The following XCR1 variants were observed in gnomAD, a reference collection of about 807,000 sequenced individuals.
The protein encoded by XCR1 is X-C motif chemokine receptor 1.
For synonymous variants in XCR1, 187 were observed against 188.5 expected, an observed-to-expected ratio of 0.99 and a Z score of 0.06; for missense variants, 356 against 424.2, an observed-to-expected ratio of 0.84 and a Z score of 1.41.
intron 5 of XCR1, among the ~76,000 whole-genome samples, chr3:46,046,292 G>T (rs1697625988): frequency 6.6e-6 from 1 of 152,208 alleles, no homozygotes; most frequent in South Asian, 2.1e-4. Flanking sequence ...GCTTTACACA[G>T]CCCTCCATAT....
chr3:46,043,852 T>G (rs150323237), intron 5 of XCR1, among the ~76,000 whole-genome samples: 22 of 152,164 alleles, frequency 1.4e-4, no homozygotes, highest in African/African-American at 4.8e-4. Flanking sequence ...GCATACAAAT[T>G]GAAAACAAAG....
Position 46,080,150 on chromosome 3 carries a change from A to G in XCR1, c.-514-3224T>C, listed in dbSNP as rs542282915. Among the ~76,000 whole-genome samples the G allele has an allele frequency of 8.6e-5, 13 of 150,448 alleles. No individual in the cohort carries two copies. The South Asian group carries it at 2.5e-3, about 29-fold the overall frequency. ...AGATCACCTATAATCGTGCCACTGT[A>G]CTCTGGCCTGGGCAACAGAACAAGT... On this transcript the variant is annotated intron_variant, in intron 1 of 5. Coordinates refer to the XCR1 transcript ENST00000683768.
intron 1 of XCR1, 177 bp from the exon 2 acceptor site, chr3:46,022,155 C>T: frequency 3.6e-6 from 2 of 562,182 alleles, no homozygotes; most frequent in Non-Finnish European, 6.0e-6. Flanking sequence ...TTAAAAATTA[C>T]CCGGGTGTGG....
intron 5 of XCR1, among the ~76,000 whole-genome samples, chr3:46,048,840 G>T (rs918511298): frequency 4.6e-5 from 7 of 152,216 alleles, no homozygotes; most frequent in Middle Eastern, 3.4e-3. Context: ...TGAGGTGGTA[G>T]TTGGCCTCCT....
intron 3 of XCR1, among the ~76,000 whole-genome samples, chr3:46,069,221 C>T (rs924632614): frequency 6.6e-6 from 1 of 151,150 alleles, no homozygotes; most frequent in Non-Finnish European, 1.5e-5. Context: ...GCAAAATAAA[C>T]CCAAAGTAAG....
At chr3:46,067,808 G>C (rs1698103338) in intron 3 of XCR1, among the ~76,000 whole-genome samples, 2 of 152,292 alleles carry the variant, frequency 1.3e-5, no homozygotes, top group South Asian at 4.1e-4. Context: ...GAAGAGGAAA[G>C]AGGACATGCT....
chr3:46,034,517 C>T (rs962893653), intron 5 of XCR1, among the ~76,000 whole-genome samples: 2 of 151,952 alleles, frequency 1.3e-5, no homozygotes, highest in Non-Finnish European at 2.9e-5. Context: ...TGACAGAGGA[C>T]ATCCTTGACG....
At chr3:46,023,984 C>T (rs1263045697) in intron 1 of XCR1, 36 of 1,444,416 alleles carry the variant, frequency 2.5e-5, no homozygotes, top group Admixed American at 3.5e-5. Context: ...CGGAGCTTGC[C>T]GCCACATTCA....
At chr3:46,043,424 G>C (rs1697569621) in intron 5 of XCR1, among the ~76,000 whole-genome samples, 1 of 151,936 alleles carries the variant, frequency 6.6e-6, no homozygotes, top group African/African-American at 2.4e-5. Context: ...CTGGGCAACA[G>C]AGCGAGACCC....
Position 46,020,771 on chromosome 3 carries a change from G to T in XCR1, c.*175C>A. 1 of 888,648 alleles carries T rather than the reference G, an allele frequency of 1.1e-6. No homozygotes were observed. The highest frequency in any genetic ancestry group is 1.6e-6 in the Non-Finnish European group (1 of 608,688). 55.0% of individuals were successfully genotyped at this position (888,648 alleles called of 1,614,324 possible). On this transcript the variant is annotated 3_prime_UTR_variant, in exon 2 of 2. Coordinates refer to ENST00000309285, the MANE Select transcript of XCR1 (RefSeq NM_001024644.2). ...CCAGGTAGGAAGCCACTTTCCCGCA[G>T]ATGAGAGGCTGGCGGGACCCACTGG...
intron 3 of XCR1, among the ~76,000 whole-genome samples, chr3:46,074,212 A>ATTTTTTTTTTTT (rs1384010299): frequency 1.8e-4 from 16 of 88,334 alleles, no homozygotes; most frequent in African/African-American, 3.0e-4. Context: ...ACTGAAGGCC[A>ATTTTTTTTTTTT]TCTTTTTTTT....
chr3:46,082,005 T>C lies in XCR1; in HGVS notation c.-515+3789A>G, dbSNP rs145800042. On this transcript the variant is annotated intron_variant, in intron 1 of 5. Transcript: ENST00000683768. ...GAATAAAAGATTCCTTCTCACCCAG[T>C]GGGAAGGGACCATATCAGGTACTAT... Among the ~76,000 whole-genome samples the C allele has an allele frequency of 1.2e-3, 185 of 152,276 alleles. 1 individual carries two copies. The highest frequency in any genetic ancestry group is 2.3e-3 in the Non-Finnish European group (157 of 68,020).
At chr3:46,048,520 C>A (rs1449150102) in intron 5 of XCR1, among the ~76,000 whole-genome samples, 3 of 152,100 alleles carry the variant, frequency 2.0e-5, no homozygotes, top group Non-Finnish European at 4.4e-5. Flanking sequence ...GCTCATGGCT[C>A]GTACCGGAGG....
chr3:46,067,646 C>T (rs1698100481), intron 3 of XCR1, among the ~76,000 whole-genome samples: 1 of 152,082 alleles, frequency 6.6e-6, no homozygotes, highest in South Asian at 2.1e-4. Context: ...AAATTCCTGC[C>T]CCAGGGAACA....
chr3:46,025,418 AAGAGAG>A lies in XCR1; in HGVS notation c.-32+1993_-32+1998del, dbSNP rs897003864. 2.7e-5 allele frequency among the ~76,000 whole-genome samples: 4 copies of A among 150,046 alleles called. No individual in the cohort carries two copies. In the South Asian group the frequency reaches 8.4e-4, roughly 31 times the overall value. On this transcript the variant is annotated intron_variant, in intron 1 of 1. Coordinates refer to ENST00000309285, the MANE Select transcript of XCR1 (RefSeq NM_001024644.2). The stretch of plus-strand genomic sequence containing the variant: ...GACCCTGTCTCAAAAGAAATAAAGA[AAGAGAG>A]AGAGAGAGAGAGAAAGACCAAAAAA...
intron 5 of XCR1, among the ~76,000 whole-genome samples, chr3:46,038,250 T>C (rs1697473384): frequency 6.6e-6 from 1 of 152,054 alleles, no homozygotes. Context: ...ATTCCTGACC[T>C]CAGGTGATCT....
intron 5 of XCR1, among the ~76,000 whole-genome samples, chr3:46,043,723 C>CAG (rs1553632959): frequency 1.8e-5 from 1 of 56,896 alleles, no homozygotes; most frequent in Non-Finnish European, 3.3e-5. Context: ...TCTCTACACA[C>CAG]ACACACACAC....
At chr3:46,029,783 T>A (rs538229969), upstream of XCR1, among the ~76,000 whole-genome samples, 1 of 152,320 alleles carries the variant, frequency 6.6e-6, no homozygotes, top group South Asian at 2.1e-4. Flanking sequence ...CAATATTGGG[T>A]CTTCCAATCC....
Position 46,056,687 on chromosome 3 carries a change from A to G in XCR1, c.-182-2617T>C, listed in dbSNP as rs1384138092. ...TTTTTTGTAGAGATGGGGTTTCGCC[A>G]TCTTGCTCAGGCTGGTCTCCAACTC... On this transcript the variant is annotated intron_variant, in intron 4 of 5. Coordinates refer to the XCR1 transcript ENST00000683768. Among the ~76,000 whole-genome samples, 5 of 151,572 alleles carry G rather than the reference A, an allele frequency of 3.3e-5. No homozygotes were observed. The South Asian group carries it at 1.0e-3, about 32-fold the overall frequency.
Sources: gnomAD v4.1 joint callset for allele counts (sites outside exome capture counted in the v4.1 genomes callset) on GRCh38, gnomAD v4.1.1 for gene constraint, MANE v1.5 for transcripts, NCBI Gene and HGNC (gene_info 2026-07-23, HGNC 2026-07-21) for gene names.